SMURF2: variants seen among roughly 807,000 people sequenced by gnomAD.
The protein encoded by SMURF2 is E3 ubiquitin-protein ligase SMURF2.
Under a neutral mutation model 109.6 loss-of-function variants are expected in SMURF2, and 48 were observed. The ratio of observed to expected loss-of-function variants is 0.44; its 90% CI spans 0.35 to 0.56. The LOEUF is 0.56. Among genes scored for constraint, SMURF2 ranks in the 20% least tolerant of loss-of-function variants. SMURF2 has a pLI of 0.01. For missense variants in SMURF2, 575 were observed against 909.0 expected (o/e 0.63, Z 4.72); for synonymous variants, 288 against 317.1 (o/e 0.91, Z 0.97).
intron 1 of SMURF2, among the ~76,000 whole-genome samples, chr17:64,645,860 T>C (rs544679323): frequency 2.0e-5 from 3 of 152,170 alleles, no homozygotes; most frequent in Non-Finnish European, 4.4e-5. Flanking sequence ...ATTGCTGGAA[T>C]GAGGGTACAA....
At chr17:64,649,609 C>T (rs1408058095) in intron 1 of SMURF2, among the ~76,000 whole-genome samples, 1 of 152,044 alleles carries the variant, frequency 6.6e-6, no homozygotes, top group African/African-American at 2.4e-5. Flanking sequence ...TGGGAGGCTG[C>T]AACGGGCGTA....
intron 9 of SMURF2, among the ~76,000 whole-genome samples, chr17:64,575,075 AG>A (rs1338434506): frequency 6.6e-6 from 1 of 150,788 alleles, no homozygotes; most frequent in Non-Finnish European, 1.5e-5. Context: ...GATTTTGAAA[AG>A]TTAGGCCCTT....
chr17:64,603,669 A>T (rs1555688794), intron 2 of SMURF2, among the ~76,000 whole-genome samples: 1 of 152,074 alleles, frequency 6.6e-6, no homozygotes, highest in Non-Finnish European at 1.5e-5. Context: ...TCTTTACTAT[A>T]AAATTATTTT....
Position 64,593,468 on chromosome 17 carries a change from A to G in SMURF2, c.306T>C (p.Asn102=). The change falls in exon 4 of 19, where the codon AAT becomes AAC. Residue 102 remains asparagine, a synonymous_variant. Coordinates refer to ENST00000262435, the MANE Select transcript of SMURF2 (RefSeq NM_022739.4). ...CAGTGTCTTTGAGGCGGTTGATGGCATTGGAAAGAAGACGAACACAACCGA... is the reference window on the plus strand; with the variant it reads ...CAGTGTCTTTGAGGCGGTTGATGGCGTTGGAAAGAAGACGAACACAACCGA... ...GFLGCVRLLS[N]AINRLKDTGY... is the part of the protein sequence containing the mutation. 6.2e-7 allele frequency: 1 copy of G among 1,610,420 alleles called. No homozygotes were observed. Among genetic ancestry groups the G allele is most frequent in the South Asian group, 1.1e-5 (1 of 90,828 alleles).
intron 14 of SMURF2, among the ~76,000 whole-genome samples, chr17:64,555,311 G>T (rs1969103364): frequency 6.6e-6 from 1 of 152,214 alleles, no homozygotes; most frequent in African/African-American, 2.4e-5. Context: ...TGTACTCCAA[G>T]GGGCCAAGTG....
chr17:64,637,259 T>A (rs1970429751), intron 1 of SMURF2, among the ~76,000 whole-genome samples: 1 of 151,400 alleles, frequency 6.6e-6, no homozygotes, highest in Non-Finnish European at 1.5e-5. Flanking sequence ...CCCAAGTAAG[T>A]GAGATTACAG....
At position 64,554,846 on chromosome 17, in the gene SMURF2, G is replaced by T; in HGVS notation, c.1748+10C>A. 6.2e-7 allele frequency: 1 copy of T among 1,612,306 alleles called. No individual in the cohort carries two copies. Among genetic ancestry groups the T allele is most frequent in the South Asian group, 1.1e-5 (1 of 90,896 alleles). On this transcript the variant is annotated intron_variant, in intron 15 of 18. Coordinates refer to ENST00000262435, the MANE Select transcript of SMURF2 (RefSeq NM_022739.4). The stretch of plus-strand genomic sequence containing the variant: ...AAAAAATTCAGCCTTGAGAACACAG[G>T]AGTGTTTACCTGACATATTCTTTTT...
intron 1 of SMURF2, among the ~76,000 whole-genome samples, chr17:64,653,649 T>A (rs1970667611): frequency 6.6e-6 from 1 of 152,084 alleles, no homozygotes; most frequent in Non-Finnish European, 1.5e-5. Flanking sequence ...AGTTTTGCCA[T>A]GTTGCCCAGG....
At chr17:64,556,224 T>G (rs1318115690) in intron 13 of SMURF2, among the ~76,000 whole-genome samples, 1 of 152,120 alleles carries the variant, frequency 6.6e-6, no homozygotes, top group Non-Finnish European at 1.5e-5. Flanking sequence ...GGGCCAGTCA[T>G]TTTGTAAATT....
At chr17:64,614,251 C>T (rs927853270) in intron 1 of SMURF2, among the ~76,000 whole-genome samples, 4 of 152,102 alleles carry the variant, frequency 2.6e-5, no homozygotes, top group Admixed American at 2.6e-4. Context: ...ATTATATATA[C>T]AGAAAGGCAC....
At chr17:64,551,048 A>C (rs1273191131) in intron 16 of SMURF2, among the ~76,000 whole-genome samples, 1 of 152,158 alleles carries the variant, frequency 6.6e-6, no homozygotes, top group African/African-American at 2.4e-5. Context: ...ATAAATTAAA[A>C]ATTTTCACAA....
At chr17:64,628,523 G>A (rs1970296307) in intron 1 of SMURF2, among the ~76,000 whole-genome samples, 1 of 152,046 alleles carries the variant, frequency 6.6e-6, no homozygotes, top group Admixed American at 6.6e-5. Flanking sequence ...TAAGTACTAT[G>A]GCAAAATTAT....
intron 13 of SMURF2, among the ~76,000 whole-genome samples, chr17:64,556,522 A>G (rs782672929): frequency 2.0e-5 from 3 of 152,210 alleles, no homozygotes; most frequent in Non-Finnish European, 4.4e-5. Context: ...ACATCTGGAA[A>G]TATGAGGATA....
chr17:64,580,971 C>A lies in SMURF2; in HGVS notation c.590G>T (p.Ser197Ile). 6.2e-7 allele frequency: 1 copy of A among 1,614,062 alleles called. No individual in the cohort carries two copies. The highest frequency in any genetic ancestry group is 1.1e-5 in the South Asian group (1 of 91,080). The stretch of plus-strand genomic sequence containing the variant: ...AAAGCAGCTAAGAGGTCTGCCAGGG[C>A]TAGAATATTCGGATGCCGGTCTATT... Reference protein sequence around the residue: ...RPTRPASEYSSPGRPLSCFVD... With the variant: ...RPTRPASEYSIPGRPLSCFVD... The change falls in exon 8 of 19, where the codon AGC becomes ATC. Residue 197 changes from serine to isoleucine, a missense_variant. By Grantham distance (142) the Ser-to-Ile change is moderately radical (BLOSUM62 -2). This residue lies in a region of SMURF2 where 151 missense variants were observed against 178.4 expected (regional missense o/e 0.85). Coordinates refer to ENST00000262435, the MANE Select transcript of SMURF2 (RefSeq NM_022739.4).
In SMURF2 at chr17:64,603,544, T is replaced by C. The variant is rs533115689; in HGVS notation, c.91+3058A>G. 1.4e-3 allele frequency among the ~76,000 whole-genome samples: 203 copies of C among 146,008 alleles called. 2 individuals are homozygous for C. The highest frequency in any genetic ancestry group is 5.0e-3 in the African/African-American group (195 of 39,108). On this transcript the variant is annotated intron_variant, in intron 2 of 18. Transcript: ENST00000262435. The stretch of plus-strand genomic sequence containing the variant: ...TTGCAGTGAGCCGAGATCACGCCAC[T>C]GCACTCTAGCCGGGGGACAGAGCAA...
At chr17:64,560,478 CAT>C (rs1969197033) in intron 12 of SMURF2, among the ~76,000 whole-genome samples, 1 of 152,136 alleles carries the variant, frequency 6.6e-6, no homozygotes, top group Admixed American at 6.5e-5. Context: ...CAAATACACA[CAT>C]GTAATGCTAA....
In SMURF2 at chr17:64,662,306, C is replaced by T. The variant is rs1370667815; in HGVS notation, c.-426G>A. 1 of 964,678 alleles carries T rather than the reference C, an allele frequency of 1.0e-6. No individual in the cohort carries two copies. The allele number at this position is 964,678 out of a possible 1,614,324, so 59.8% of individuals were successfully genotyped here. A position where few individuals can be genotyped will look rare whatever the true frequency, so the allele number is the denominator to read the frequency against. On this transcript the variant is annotated 5_prime_UTR_variant, in exon 1 of 19. Coordinates refer to ENST00000262435, the MANE Select transcript of SMURF2 (RefSeq NM_022739.4). ...CTTCCTCCTCCACCCGCCCTCTTGTCTGAGGGACCCGGGACCTGGGGCCGC... is the reference window on the plus strand; with the variant it reads ...CTTCCTCCTCCACCCGCCCTCTTGTTTGAGGGACCCGGGACCTGGGGCCGC...
At chr17:64,618,997 G>A (rs1427249643) in intron 1 of SMURF2, among the ~76,000 whole-genome samples, 1 of 152,144 alleles carries the variant, frequency 6.6e-6, no homozygotes, top group Admixed American at 6.5e-5. Context: ...TAGCTCATCT[G>A]TAAACATGAG....
chr17:64,662,226 T>G lies in SMURF2; in HGVS notation c.-346A>C. ...GAGGCCCAGTAGCCGACGGGGCTGG[T>G]CGGCTGAAGCGGGCGGTGCTCGGGG... On this transcript the variant is annotated 5_prime_UTR_variant, in exon 1 of 19. Transcript: ENST00000262435. 1 of 982,708 alleles carries G rather than the reference T, an allele frequency of 1.0e-6. No individual in the cohort carries two copies. The allele number at this position is 982,708 out of a possible 1,614,324, so 60.9% of individuals were successfully genotyped here.
Sources: gnomAD v4.1 joint callset for allele counts (sites outside exome capture counted in the v4.1 genomes callset) on GRCh38, gnomAD v4.1.1 for gene constraint, gnomAD v4.1.1 regional missense constraint, MANE v1.5 for transcripts, NCBI Gene and HGNC (gene_info 2026-07-23, HGNC 2026-07-21) for gene names.